The following TRIM33 variants were observed in gnomAD, a reference collection of about 807,000 sequenced individuals.
TRIM33 encodes the protein tripartite motif containing 33.
Under a neutral mutation model 125.4 loss-of-function variants are expected in TRIM33, and 20 were observed. That is an observed-to-expected ratio of 0.16 (90% CI 0.11 to 0.23). TRIM33 has a LOEUF of 0.23. TRIM33 is among the 10% of genes least tolerant of loss of function. The pLI, the probability that TRIM33 is intolerant of heterozygous loss-of-function variation, is 1.00. For synonymous variants in TRIM33, 564 were observed against 513.9 expected, an observed-to-expected ratio of 1.10 and a Z score of -1.32; for missense variants, 920 against 1,411.4, an observed-to-expected ratio of 0.65 and a Z score of 5.58.
At chr1:114,445,749 A>G (rs889079108) in intron 4 of TRIM33, among the ~76,000 whole-genome samples, 26 of 152,246 alleles carry the variant, frequency 1.7e-4, no homozygotes, top group African/African-American at 6.0e-4. Flanking sequence ...GACATCCAAA[A>G]CAATGGAAGC....
intron 1 of TRIM33, among the ~76,000 whole-genome samples, chr1:114,496,160 G>A (rs1652357243): frequency 6.6e-6 from 1 of 152,216 alleles, no homozygotes; most frequent in Non-Finnish European, 1.5e-5. Flanking sequence ...CCCTACGGCA[G>A]ACAAAAAACT....
At chr1:114,473,373 G>A (rs1220806283) in intron 1 of TRIM33, among the ~76,000 whole-genome samples, 2 of 152,104 alleles carry the variant, frequency 1.3e-5, no homozygotes, top group Non-Finnish European at 2.9e-5. Context: ...GGAGGGGAAG[G>A]GGTTCTTATT....
At chr1:114,427,330 T>C (rs1301965047) in intron 7 of TRIM33, 36 bp from the exon 8 acceptor site, 1 of 1,066,238 alleles carries the variant, frequency 9.4e-7, no homozygotes. Context: ...GTCTCAAAAT[T>C]AAATATCAAT....
chr1:114,412,199 C>CAA lies in TRIM33; in HGVS notation c.2062-1885_2062-1884dup, dbSNP rs1652636434. ...GCATTTTCAAATATATAAGCTGGCA[C>CAA]AATATTTTTTGTAGAGCAATTTGCC... is the stretch of plus-strand genomic sequence containing the variant. On this transcript the variant is annotated intron_variant, in intron 11 of 19. Coordinates refer to ENST00000358465, the MANE Select transcript of TRIM33 (RefSeq NM_015906.4). Among the ~76,000 whole-genome samples, 2 of 152,130 alleles carry CAA rather than the reference C, an allele frequency of 1.3e-5. 1 individual carries two copies. The highest frequency in any genetic ancestry group is 2.9e-5 in the Non-Finnish European group (2 of 68,006).
At chr1:114,498,078 G>A (rs1173399528) in intron 1 of TRIM33, among the ~76,000 whole-genome samples, 9 of 137,648 alleles carry the variant, frequency 6.5e-5, no homozygotes, top group Admixed American at 6.3e-4. Flanking sequence ...AATGAGCTGA[G>A]ATCGCACCAC....
intron 4 of TRIM33, among the ~76,000 whole-genome samples, chr1:114,447,490 T>C (rs1221476689): frequency 6.6e-6 from 1 of 152,140 alleles, no homozygotes; most frequent in African/African-American, 2.4e-5. Flanking sequence ...GGAAGCGTTA[T>C]GTTTGAAAAA....
At position 114,393,611 on chromosome 1, in the gene TRIM33, A is replaced by T. The variant is rs1389397741; in HGVS notation, c.*4037T>A. Reference sequence around the variant, plus strand: ...AAATATATAAAGGACCACATAGGCAAACACAAGGAACTAAGATGAAAGAAA... The same window carrying T: ...AAATATATAAAGGACCACATAGGCATACACAAGGAACTAAGATGAAAGAAA... On this transcript the variant is annotated 3_prime_UTR_variant, in exon 20 of 20. Transcript: ENST00000358465. The T allele has an allele frequency of 4.7e-6, 1 of 212,046 alleles. No individual in the cohort carries two copies. The highest frequency in any genetic ancestry group is 9.6e-6 in the Non-Finnish European group (1 of 104,310). The allele number at this position is 212,046 out of a possible 1,614,324, so 13.1% of individuals were successfully genotyped here.
chr1:114,442,697 A>G (rs1004216276), intron 4 of TRIM33, among the ~76,000 whole-genome samples: 2 of 148,064 alleles, frequency 1.4e-5, no homozygotes, highest in Non-Finnish European at 3.0e-5. Flanking sequence ...CAAAAAAAAA[A>G]AAAAAAAGAA....
At chr1:114,451,846 T>C (rs1201871866) in intron 4 of TRIM33, among the ~76,000 whole-genome samples, 2 of 152,138 alleles carry the variant, frequency 1.3e-5, no homozygotes, top group African/African-American at 4.8e-5. Context: ...TATGCAGCAA[T>C]TATTTTAATT....
chr1:114,444,404 A>G (rs1455322351), intron 4 of TRIM33, among the ~76,000 whole-genome samples: 2 of 152,220 alleles, frequency 1.3e-5, no homozygotes, highest in Non-Finnish European at 2.9e-5. Flanking sequence ...AGAAGAACTC[A>G]GCTTGAATTC....
chr1:114,435,403 T>C (rs890366531), intron 4 of TRIM33, among the ~76,000 whole-genome samples: 3 of 152,168 alleles, frequency 2.0e-5, no homozygotes, highest in Admixed American at 6.5e-5. Flanking sequence ...AAACAAATCA[T>C]TGGAAATGAG....
intron 1 of TRIM33, among the ~76,000 whole-genome samples, chr1:114,502,765 C>T (rs1272418428): frequency 6.6e-6 from 1 of 152,114 alleles, no homozygotes; most frequent in African/African-American, 2.4e-5. Flanking sequence ...CCTCAGCCTT[C>T]GAAAGTGCTG....
intron 11 of TRIM33, among the ~76,000 whole-genome samples, chr1:114,418,077 C>A (rs542490114): frequency 9.9e-5 from 15 of 152,268 alleles, no homozygotes; most frequent in Admixed American, 2.0e-4. Flanking sequence ...TAAACAAAAG[C>A]GGTTTAAATT....
chr1:114,504,387 C>T (rs1454329936), intron 1 of TRIM33, among the ~76,000 whole-genome samples: 1 of 152,044 alleles, frequency 6.6e-6, no homozygotes, highest in Non-Finnish European at 1.5e-5. Context: ...AGACTAGTCC[C>T]CTACTCCTGG....
chr1:114,433,128 T>C (rs957556934), intron 5 of TRIM33, among the ~76,000 whole-genome samples: 9 of 152,218 alleles, frequency 5.9e-5, no homozygotes, highest in African/African-American at 1.9e-4. Flanking sequence ...TAAATGGTGA[T>C]GATAATTATA....
intron 4 of TRIM33, among the ~76,000 whole-genome samples, chr1:114,435,406 G>A (rs1008800244): frequency 6.6e-6 from 1 of 152,146 alleles, no homozygotes; most frequent in African/African-American, 2.4e-5. Flanking sequence ...CAAATCATTG[G>A]AAATGAGTTC....
intron 16 of TRIM33, among the ~76,000 whole-genome samples, chr1:114,401,703 G>C (rs915858989): frequency 2.0e-5 from 3 of 152,108 alleles, no homozygotes; most frequent in Non-Finnish European, 4.4e-5. Context: ...GGTAATTTAT[G>C]GAAGGGAGTC....
intron 1 of TRIM33, among the ~76,000 whole-genome samples, chr1:114,497,414 A>G (rs1331561900): frequency 6.6e-6 from 1 of 152,108 alleles, no homozygotes; most frequent in East Asian, 1.9e-4. Flanking sequence ...TTCCTGCCTC[A>G]GCCTCCCAAG....
At chr1:114,448,806 A>G (rs1323221073) in intron 4 of TRIM33, among the ~76,000 whole-genome samples, 1 of 152,178 alleles carries the variant, frequency 6.6e-6, no homozygotes, top group Non-Finnish European at 1.5e-5. Flanking sequence ...GAGCTGGAGT[A>G]ACAGATGTGG....
Sources: gnomAD v4.1 joint callset for allele counts (sites outside exome capture counted in the v4.1 genomes callset) on GRCh38, gnomAD v4.1.1 for gene constraint, MANE v1.5 for transcripts, NCBI Gene and HGNC (gene_info 2026-07-23, HGNC 2026-07-21) for gene names.